Variants in DOK5 observed in about 807,000 individuals in gnomAD.
The protein encoded by DOK5 is docking protein 5.
DOK5 carries 27 observed loss-of-function variants against 43.3 expected under a neutral mutation model. The observed-to-expected ratio is 0.62, with a 90% CI of 0.46 to 0.86. The LOEUF (loss-of-function observed/expected upper bound fraction) is 0.86, where lower values mean the gene tolerates loss of function less well. DOK5 is among the 40% of genes least tolerant of loss of function. DOK5 has a pLI of 0.00. For synonymous variants in DOK5, 146 were observed against 140.1 expected, an observed-to-expected ratio of 1.04 and a Z score of -0.30; for missense variants, 373 against 392.9, an observed-to-expected ratio of 0.95 and a Z score of 0.43.
intron 5 of DOK5, among the ~76,000 whole-genome samples, chr20:54,605,116 C>CACACAT (rs1986432112): frequency 1.3e-5 from 2 of 151,346 alleles, no homozygotes; most frequent in African/African-American, 4.9e-5. Flanking sequence ...TCTACACACA[C>CACACAT]ACACACACAC....
chr20:54,627,926 A>C (rs188110259), intron 6 of DOK5, among the ~76,000 whole-genome samples: 128 of 152,316 alleles, frequency 8.4e-4, no homozygotes, highest in Admixed American at 8.0e-3. Flanking sequence ...GACCGTCTCA[A>C]GAAGAAACAA....
intron 2 of DOK5, among the ~76,000 whole-genome samples, chr20:54,567,420 T>C (rs539541724): frequency 5.3e-5 from 8 of 152,332 alleles, no homozygotes; most frequent in African/African-American, 1.7e-4. Flanking sequence ...TATTCCACTA[T>C]CATTTGTTGA....
intron 6 of DOK5, among the ~76,000 whole-genome samples, chr20:54,642,261 G>C (rs1490311338): frequency 6.6e-6 from 1 of 152,122 alleles, no homozygotes; most frequent in Non-Finnish European, 1.5e-5. Flanking sequence ...GACTAGAACT[G>C]TGTCTTTAGA....
At chr20:54,515,467 C>T (rs1983166062) in intron 1 of DOK5, among the ~76,000 whole-genome samples, 1 of 152,196 alleles carries the variant, frequency 6.6e-6, no homozygotes, top group South Asian at 2.1e-4. Context: ...TGTAGATTAT[C>T]TCAATGTTGA....
rs540299870 is a variant in DOK5, at chr20:54,615,455, G to A, written c.735+4932G>A. ...TAATCACAATTGTCTTCAGAAGAGG[G>A]AAACAAGAGGAGTCAAACAGAGGGC... On this transcript the variant is annotated intron_variant, in intron 6 of 7. Coordinates refer to ENST00000262593, the MANE Select transcript of DOK5 (RefSeq NM_018431.5). Among the ~76,000 whole-genome samples the A allele has an allele frequency of 2.0e-5, 3 of 152,216 alleles. No homozygotes were observed. In the South Asian group the frequency reaches 6.2e-4, roughly 32 times the overall value.
At chr20:54,560,162 C>CT (rs998007586) in intron 2 of DOK5, among the ~76,000 whole-genome samples, 3 of 152,080 alleles carry the variant, frequency 2.0e-5, no homozygotes, top group African/African-American at 4.8e-5. Context: ...ATGATTCATT[C>CT]TTTTTTTACA....
chr20:54,532,337 C>A (rs1412059604), intron 1 of DOK5, among the ~76,000 whole-genome samples: 3 of 152,280 alleles, frequency 2.0e-5, no homozygotes, highest in South Asian at 4.1e-4. Flanking sequence ...GTGTTCTTGA[C>A]TTTAATTGTA....
At chr20:54,596,670 C>A (rs1415371335) in intron 5 of DOK5, among the ~76,000 whole-genome samples, 1 of 152,150 alleles carries the variant, frequency 6.6e-6, no homozygotes, top group African/African-American at 2.4e-5. Context: ...CAAAAGATTG[C>A]TATGAAGATT....
At chr20:54,571,854 C>T (rs1228548960) in intron 2 of DOK5, among the ~76,000 whole-genome samples, 2 of 152,182 alleles carry the variant, frequency 1.3e-5, no homozygotes, top group African/African-American at 2.4e-5. Context: ...TTTCCTGTTG[C>T]CAACTTCCTC....
chr20:54,594,987 T>C (rs542298562), intron 5 of DOK5, among the ~76,000 whole-genome samples: 9 of 152,292 alleles, frequency 5.9e-5, no homozygotes, highest in African/African-American at 2.2e-4. Context: ...TGTTTGAGTC[T>C]CTGTGTGTGT....
intron 1 of DOK5, among the ~76,000 whole-genome samples, chr20:54,492,615 A>G (rs563168978): frequency 2.6e-5 from 4 of 152,136 alleles, no homozygotes; most frequent in Admixed American, 6.5e-5. Flanking sequence ...CTTTTGAGGA[A>G]TAAAACAAAT....
intron 1 of DOK5, among the ~76,000 whole-genome samples, chr20:54,529,095 T>G (rs536892864): frequency 1.0e-3 from 153 of 152,316 alleles, no homozygotes; most frequent in African/African-American, 2.7e-3. Flanking sequence ...CATGGTCTTT[T>G]TATCTCTACT....
At chr20:54,497,607 A>G (rs1982450281) in intron 1 of DOK5, among the ~76,000 whole-genome samples, 2 of 152,188 alleles carry the variant, frequency 1.3e-5, no homozygotes. Flanking sequence ...GTCCTGACAT[A>G]TTGTGGAGTA....
chr20:54,649,281 G>A (rs1188091336), intron 7 of DOK5, among the ~76,000 whole-genome samples: 2 of 152,174 alleles, frequency 1.3e-5, no homozygotes, highest in South Asian at 2.1e-4. Context: ...AATTAGTCAC[G>A]TGTGGTGGCA....
At chr20:54,568,983 C>CA (rs10542523) in intron 2 of DOK5, among the ~76,000 whole-genome samples, 3,838 of 96,112 alleles carry the variant, frequency 0.04, 193 homozygotes, top group African/African-American at 0.12. Flanking sequence ...GACTAAAACG[C>CA]AAAAAAAAAA....
chr20:54,535,322 C>T (rs528923877), intron 1 of DOK5, among the ~76,000 whole-genome samples: 1 of 152,070 alleles, frequency 6.6e-6, no homozygotes, highest in Admixed American at 6.6e-5. Flanking sequence ...CTTTCTCAAC[C>T]ATGGAATTCA....
intron 2 of DOK5, 90 bp downstream of exon 2, chr20:54,555,130 A>G (rs1984666447): frequency 1.2e-6 from 1 of 839,798 alleles, no homozygotes; most frequent in Non-Finnish European, 2.0e-6. Flanking sequence ...ATTATTTAAC[A>G]AAGGTACAAG....
intron 1 of DOK5, among the ~76,000 whole-genome samples, chr20:54,546,444 A>G (rs1033737052): frequency 1.3e-5 from 2 of 152,148 alleles, no homozygotes; most frequent in African/African-American, 4.8e-5. Flanking sequence ...ACATGTGCAC[A>G]ACGTGCAGAT....
intron 1 of DOK5, among the ~76,000 whole-genome samples, chr20:54,489,056 CTG>C (rs1982061841): frequency 6.6e-6 from 1 of 152,126 alleles, no homozygotes; most frequent in African/African-American, 2.4e-5. Flanking sequence ...AAATAGAAAA[CTG>C]TGCCTATATC....
Sources: allele counts gnomAD v4.1 joint callset (sites outside exome capture counted in the v4.1 genomes callset), GRCh38; gene constraint gnomAD v4.1.1; transcripts MANE v1.5; gene names NCBI Gene and HGNC (gene_info 2026-07-23, HGNC 2026-07-21).